ZFHX3: variants seen among roughly 807,000 people sequenced by gnomAD.
The protein encoded by ZFHX3 is zinc finger homeobox protein 3.
ZFHX3 carries 42 observed loss-of-function variants against 279.1 expected under a neutral mutation model. The observed-to-expected ratio is 0.15, with a 90% CI of 0.12 to 0.19. The LOEUF (loss-of-function observed/expected upper bound fraction) is 0.19, where lower values mean the gene tolerates loss of function less well. Ranked by LOEUF, ZFHX3 falls within the 10% of genes least tolerant of loss-of-function variation. ZFHX3 has a pLI of 1.00. For synonymous variants in ZFHX3, 2,293 were observed against 1,957.8 expected (o/e 1.17, Z -4.52); for missense variants, 4,981 against 4,754.0 (o/e 1.05, Z -1.40).
At chr16:73,192,065 T>C (rs60353866) in intron 5 of ZFHX3, among the ~76,000 whole-genome samples, 12,033 of 152,184 alleles carry the variant, frequency 0.079, 831 homozygotes, top group African/African-American at 0.19. Context: ...TTCAGGTTGC[T>C]TTTCTTCTTA....
At chr16:73,870,010 T>C (rs1962121209) in intron 1 of ZFHX3, among the ~76,000 whole-genome samples, 1 of 152,218 alleles carries the variant, frequency 6.6e-6, no homozygotes, top group Admixed American at 6.5e-5. Context: ...TAAAGTAGTT[T>C]AATAAAGCTT....
At chr16:73,786,707 C>G (rs865794525) in intron 1 of ZFHX3, among the ~76,000 whole-genome samples, 1 of 152,186 alleles carries the variant, frequency 6.6e-6, no homozygotes, top group African/African-American at 2.4e-5. Flanking sequence ...TACCCCAAGT[C>G]AGAGCCTGTT....
intron 1 of ZFHX3, among the ~76,000 whole-genome samples, chr16:72,982,846 C>A (rs1039410839): frequency 6.6e-6 from 1 of 152,154 alleles, no homozygotes; most frequent in African/African-American, 2.4e-5. Flanking sequence ...ACTGACCACT[C>A]GGCTCAAAAG....
At chr16:73,282,083 G>T (rs1300703386) in intron 4 of ZFHX3, among the ~76,000 whole-genome samples, 6 of 152,220 alleles carry the variant, frequency 3.9e-5, no homozygotes, top group Admixed American at 3.3e-4. Context: ...GTGCGCGTTT[G>T]TGTGCATCTT....
At chr16:73,600,388 T>C (rs909865690) in intron 2 of ZFHX3, among the ~76,000 whole-genome samples, 3 of 151,704 alleles carry the variant, frequency 2.0e-5, no homozygotes, top group Non-Finnish European at 4.4e-5. Flanking sequence ...CTGTATCTTT[T>C]AGCTCTGTGT....
At chr16:73,888,290 C>A (rs1180975716) in intron 1 of ZFHX3, among the ~76,000 whole-genome samples, 1 of 151,786 alleles carries the variant, frequency 6.6e-6, no homozygotes, top group African/African-American at 2.4e-5. Flanking sequence ...ATTCATTATC[C>A]TTTTTCCCTC....
chr16:73,323,044 G>C (rs1016247478), intron 3 of ZFHX3, among the ~76,000 whole-genome samples: 1 of 152,186 alleles, frequency 6.6e-6, no homozygotes, highest in African/African-American at 2.4e-5. Flanking sequence ...CCTGTGGCCT[G>C]TTTAAAATAT....
At position 73,380,568 on chromosome 16, in the gene ZFHX3, G is replaced by C. The variant is rs1426323387; in HGVS notation, c.-1290-62232C>G. Among the ~76,000 whole-genome samples the C allele has an allele frequency of 2.6e-5, 4 of 152,138 alleles. 1 individual carries two copies. Among genetic ancestry groups the C allele is most frequent in the Non-Finnish European group, 4.4e-5 (3 of 68,024 alleles). ...CAAATAAATTAGACAACTTAGTAAAGATAGTAAAGATGAATACACAAAAAT... is the reference window on the plus strand; with the variant it reads ...CAAATAAATTAGACAACTTAGTAAACATAGTAAAGATGAATACACAAAAAT... On this transcript the variant is annotated intron_variant, in intron 3 of 17. Transcript: ENST00000641206.
At chr16:73,358,956 G>A (rs546982140) in intron 3 of ZFHX3, among the ~76,000 whole-genome samples, 104 of 152,310 alleles carry the variant, frequency 6.8e-4, no homozygotes, top group Non-Finnish European at 7.4e-4. Context: ...ACACTTGAAA[G>A]TTGTTTCAAA....
intron 5 of ZFHX3, among the ~76,000 whole-genome samples, chr16:73,241,370 C>G (rs1279064957): frequency 6.6e-6 from 1 of 152,158 alleles, no homozygotes; most frequent in Non-Finnish European, 1.5e-5. Flanking sequence ...CGCAATGCTA[C>G]CCTTTTCACA....
intron 1 of ZFHX3, among the ~76,000 whole-genome samples, chr16:73,682,924 GAGAAAGAAAGAAAGAA>G (rs764517017): frequency 9.2e-4 from 40 of 43,488 alleles, no homozygotes; most frequent in Non-Finnish European, 1.5e-3. Flanking sequence ...AAGAGAGAAA[GAGAAAGAAAGAAAGAA>G]AGAAAGAAAG....
chr16:72,817,204 A>T (rs2036633912), intron 5 of ZFHX3, among the ~76,000 whole-genome samples: 1 of 152,240 alleles, frequency 6.6e-6, no homozygotes, highest in Non-Finnish European at 1.5e-5. Context: ...TTATAACTTC[A>T]TCTGATAAAA....
At chr16:73,614,410 CTT>C (rs533751116) in intron 2 of ZFHX3, among the ~76,000 whole-genome samples, 248 of 152,280 alleles carry the variant, frequency 1.6e-3, no homozygotes, top group Middle Eastern at 0.014. Flanking sequence ...ATTTCTTTCT[CTT>C]GTTGGTTTTT....
rs535848705 is a variant in ZFHX3 at position 73,650,728 on chromosome 16, A to G, written c.-1547+29452T>C. On this transcript the variant is annotated intron_variant, in intron 2 of 17. Coordinates refer to the ZFHX3 transcript ENST00000641206. ...AACAAAAATTAAGGTGACAAATTCA[A>G]TTTAGGGTGGTCTTGAAGGTACTTC... Among the ~76,000 whole-genome samples the G allele has an allele frequency of 3.0e-4, 46 of 152,278 alleles. No individual in the cohort carries two copies. In the South Asian group the frequency reaches 7.7e-3, roughly 25 times the overall value.
At chr16:73,719,110 G>A (rs1170631132) in intron 1 of ZFHX3, among the ~76,000 whole-genome samples, 7 of 152,174 alleles carry the variant, frequency 4.6e-5, no homozygotes, top group Admixed American at 2.0e-4. Context: ...TATCAAGAAC[G>A]ATAAATAAGA....
intron 1 of ZFHX3, among the ~76,000 whole-genome samples, chr16:73,886,026 G>A (rs545271665): frequency 6.6e-6 from 1 of 152,202 alleles, no homozygotes; most frequent in South Asian, 2.1e-4. Context: ...TGCCTATAGG[G>A]AGGAATTCAA....
At chr16:73,278,897 G>A (rs865826457) in intron 4 of ZFHX3, among the ~76,000 whole-genome samples, 7 of 152,258 alleles carry the variant, frequency 4.6e-5, no homozygotes, top group Middle Eastern at 6.8e-3. Context: ...AGACAGAAAA[G>A]TTCTCCAAGT....
At chr16:72,936,015 G>A (rs1597392656) in intron 3 of ZFHX3, among the ~76,000 whole-genome samples, 1 of 152,288 alleles carries the variant, frequency 6.6e-6, no homozygotes, top group East Asian at 1.9e-4. Flanking sequence ...AAACTCACGG[G>A]TGGCCAGCAG....
intron 1 of ZFHX3, among the ~76,000 whole-genome samples, chr16:73,760,318 C>A (rs939951825): frequency 6.6e-6 from 1 of 152,044 alleles, no homozygotes; most frequent in African/African-American, 2.4e-5. Context: ...TCAAAAAATG[C>A]CGAGGACCAG....
Sources: allele counts gnomAD v4.1 joint callset (sites outside exome capture counted in the v4.1 genomes callset), GRCh38; gene constraint gnomAD v4.1.1; transcripts MANE v1.5; gene names NCBI Gene and HGNC (gene_info 2026-07-23, HGNC 2026-07-21).